Variants in UBN1 observed in about 807,000 individuals in gnomAD.
UBN1 encodes the protein ubinuclein 1, also known as ubinuclein-1.
In UBN1, 17 loss-of-function variants were observed where a neutral mutation model predicts 108.5. The ratio of observed to expected loss-of-function variants is 0.16; its 90% CI spans 0.11 to 0.24. The LOEUF (loss-of-function observed/expected upper bound fraction) is 0.24, where lower values mean the gene tolerates loss of function less well. Among genes scored for constraint, UBN1 ranks in the 10% least tolerant of loss-of-function variants. The probability of loss-of-function intolerance (pLI) is 1.00; values close to 1 mark genes in which losing one functional copy is unlikely to be tolerated. For synonymous variants in UBN1, 726 were observed against 564.2 expected, an observed-to-expected ratio of 1.29 and a Z score of -4.07; for missense variants, 1,595 against 1,394.4, an observed-to-expected ratio of 1.14 and a Z score of -2.29.
intron 15 of UBN1, among the ~76,000 whole-genome samples, chr16:4,876,487 GA>G (rs1355631706): frequency 6.6e-6 from 1 of 150,952 alleles, no homozygotes; most frequent in Non-Finnish European, 1.5e-5. Flanking sequence ...AAATATCCAT[GA>G]ACATTTATGG....
At chr16:4,848,248 C>G (rs918367283) in intron 1 of UBN1, 38 bp downstream of exon 1, 2 of 152,268 alleles carry the variant, frequency 1.3e-5, no homozygotes, top group Non-Finnish European at 2.9e-5. Flanking sequence ...TCTCGTTAGC[C>G]TTGCCCTAGT....
chr16:4,853,280 A>G (rs1294411623), intron 2 of UBN1, 114 bp downstream of exon 2: 13 of 1,406,906 alleles, frequency 9.2e-6, no homozygotes, highest in African/African-American at 1.4e-5. Flanking sequence ...GGCTGCCCCA[A>G]GATCCTGTCA....
Position 4,871,133 on chromosome 16 carries a change from C to G in UBN1, c.1560-22C>G, listed in dbSNP as rs751143450. On this transcript the variant is annotated intron_variant, in intron 11 of 17. Coordinates refer to ENST00000262376, the MANE Select transcript of UBN1 (RefSeq NM_001079514.3). ...CAGCATCTGAAGTAGTTTGGAGTTTCTGATTTCTGCCTCCTTCTCAGGGAG... is the reference window on the plus strand; with the variant it reads ...CAGCATCTGAAGTAGTTTGGAGTTTGTGATTTCTGCCTCCTTCTCAGGGAG... 3 of 1,613,200 alleles carry G rather than the reference C, an allele frequency of 1.9e-6. No individual in the cohort carries two copies. In the African/African-American group the frequency reaches 4.0e-5, roughly 22 times the overall value.
intron 6 of UBN1, 33 bp from the exon 7 acceptor site, chr16:4,860,631 A>G: frequency 6.3e-7 from 1 of 1,585,270 alleles, no homozygotes; most frequent in Non-Finnish European, 8.5e-7. Context: ...GGTGTCCTAT[A>G]GTCTGAGTGA....
At chr16:4,853,822 A>G (rs1431561315) in intron 2 of UBN1, among the ~76,000 whole-genome samples, 2 of 152,250 alleles carry the variant, frequency 1.3e-5, no homozygotes, top group South Asian at 2.1e-4. Context: ...TTGGCTTCCC[A>G]AAGTGCTGGG....
At chr16:4,851,272 C>T (rs548152615) in intron 1 of UBN1, among the ~76,000 whole-genome samples, 28 of 152,264 alleles carry the variant, frequency 1.8e-4, no homozygotes, top group Non-Finnish European at 3.5e-4. Flanking sequence ...CAAAACCAGT[C>T]TGGGCAACAT....
At chr16:4,868,738 C>G in intron 7 of UBN1, 95 bp from the exon 8 acceptor site, 1 of 1,215,700 alleles carries the variant, frequency 8.2e-7, no homozygotes, top group Non-Finnish European at 1.2e-6. Context: ...TTGACAGGTG[C>G]TCTTTATGGA....
intron 8 of UBN1, among the ~76,000 whole-genome samples, chr16:4,869,835 G>A (rs987889942): frequency 8.5e-5 from 13 of 152,058 alleles, no homozygotes; most frequent in South Asian, 2.1e-4. Context: ...TGGGGACTGG[G>A]GGAAAAAAAA....
Position 4,871,308 on chromosome 16 carries a change from G to A in UBN1, c.1706+7G>A. 6.2e-7 allele frequency: 1 copy of A among 1,613,138 alleles called. No homozygotes were observed. Among genetic ancestry groups the A allele is most frequent in the African/African-American group, 1.3e-5 (1 of 75,026 alleles). On this transcript the variant is annotated splice_region_variant and intron_variant, in intron 12 of 17. Transcript: ENST00000262376. ...AAGGCTGGATGCAGGCCAGGTGAGG[G>A]CCGTGTGCTGAGATGGGCATCTGTG...
chr16:4,869,020 A>G (rs1393445817), intron 8 of UBN1, 117 bp downstream of exon 8: 1 of 916,744 alleles, frequency 1.1e-6, no homozygotes, highest in Non-Finnish European at 1.6e-6. Flanking sequence ...ACCACCAAGG[A>G]GATAAAAGAA....
intron 14 of UBN1, among the ~76,000 whole-genome samples, chr16:4,873,588 T>C (rs1029853911): frequency 1.6e-4 from 24 of 152,214 alleles, no homozygotes; most frequent in Non-Finnish European, 2.8e-4. Context: ...CAGTTCTTAG[T>C]GTGGTGCCCT....
intron 6 of UBN1, 126 bp downstream of exon 6, chr16:4,860,094 G>A (rs962715657): frequency 6.6e-6 from 8 of 1,203,244 alleles, no homozygotes; most frequent in African/African-American, 4.6e-5. Flanking sequence ...CTGTCCTCCC[G>A]CACGCCTCCC....
In UBN1 at chr16:4,874,593, C is replaced by G; in HGVS notation, c.2183C>G (p.Pro728Arg). 6.2e-7 allele frequency: 1 copy of G among 1,614,232 alleles called. No homozygotes were observed. The highest frequency in any genetic ancestry group is 8.5e-7 in the Non-Finnish European group (1 of 1,180,044). The change falls in exon 15 of 18, where the codon CCA becomes CGA. Residue 728 changes from proline to arginine, a missense_variant. Pro to Arg is a moderately radical substitution (Grantham distance 103). Around this residue, in one of 3 missense-constraint regions of UBN1, gnomAD observed 1,398 missense variants for 1,194.7 expected, o/e 1.17. Coordinates refer to ENST00000262376, the MANE Select transcript of UBN1 (RefSeq NM_001079514.3). Reference protein sequence around the residue: ...FAKPSPSAPPPASSLQSPLNF... With the variant: ...FAKPSPSAPPRASSLQSPLNF... The stretch of plus-strand genomic sequence containing the variant: ...AAGCCTAGTCCTTCTGCTCCACCAC[C>G]AGCTAGCTCTCTGCAGTCACCCCTC...
In UBN1 at chr16:4,857,971, T is replaced by C. The variant is rs367952765; in HGVS notation, c.250-19T>C. 13 of 1,573,508 alleles carry C rather than the reference T, an allele frequency of 8.3e-6. No individual in the cohort carries two copies. The African/African-American group carries it at 1.6e-4, about 20-fold the overall frequency. ...GGAATATTTTCTGACTTATTTTTTG[T>C]GGAACGATCTCTTTACAGAAGAAAG... On this transcript the variant is annotated intron_variant, in intron 2 of 17. Coordinates refer to ENST00000262376, the MANE Select transcript of UBN1 (RefSeq NM_001079514.3).
chr16:4,858,398 A>G (rs148634403), intron 3 of UBN1, among the ~76,000 whole-genome samples, 170 bp from the exon 4 acceptor site: 55 of 152,306 alleles, frequency 3.6e-4, no homozygotes, highest in Middle Eastern at 3.4e-3. Flanking sequence ...AATATGTTCT[A>G]TGTTAAAAGG....
At chr16:4,869,856 C>T (rs781430460) in intron 8 of UBN1, among the ~76,000 whole-genome samples, 128 of 152,234 alleles carry the variant, frequency 8.4e-4, no homozygotes, top group Non-Finnish European at 1.4e-3. Context: ...GAAATGCTGC[C>T]GGGAAGTGTC....
At position 4,869,409 on chromosome 16, in the gene UBN1, A is replaced by T. The variant is rs1022346519; in HGVS notation, c.1181+506A>T. Reference sequence around the variant, plus strand: ...AGCCTCTGAGACACCACGCTGTGTGAATCGGGTTAAAAAACAGATGAGCAA... The same window carrying T: ...AGCCTCTGAGACACCACGCTGTGTGTATCGGGTTAAAAAACAGATGAGCAA... On this transcript the variant is annotated intron_variant, in intron 8 of 17. Coordinates refer to ENST00000262376, the MANE Select transcript of UBN1 (RefSeq NM_001079514.3). Among the ~76,000 whole-genome samples, 17 of 152,246 alleles carry T rather than the reference A, an allele frequency of 1.1e-4. 1 individual carries two copies. The highest frequency in any genetic ancestry group is 4.1e-4 in the African/African-American group (17 of 41,464).
rs372442187 is a variant in UBN1, at chr16:4,877,380, C to G, written c.3266-5C>G. 1 of 1,608,922 alleles carries G rather than the reference C, an allele frequency of 6.2e-7. No homozygotes were observed. The highest frequency in any genetic ancestry group is 1.3e-5 in the African/African-American group (1 of 74,746). ...GTTCTTTTCTCCCCTCCTGTTTTCT[C>G]TCAGGTCTTCTGGCTGGCTTGCACT... On this transcript the variant is annotated splice_polypyrimidine_tract_variant and splice_region_variant and intron_variant, in intron 16 of 17. Coordinates refer to ENST00000262376, the MANE Select transcript of UBN1 (RefSeq NM_001079514.3). This position sits in a 1 kb window ranked among gnomAD's most constrained non-coding sequence, Gnocchi z 4.3.
rs1421566305 is a variant in UBN1 at position 4,877,407 on chromosome 16, C to T, written c.3288C>T (p.Ser1096=). ...LGHSLLAGLH[S]SPPHAAPLPH... The stretch of plus-strand genomic sequence containing the variant: ...CAGGTCTTCTGGCTGGCTTGCACTC[C>T]AGCCCGCCCCATGCAGCGCCTCTCC... Residue 1096 remains serine (S), a synonymous_variant, in exon 17 of 18, where the codon TCC becomes TCT. Transcript: ENST00000262376. This position sits in a 1 kb window ranked among gnomAD's most constrained non-coding sequence, Gnocchi z 4.3. 2 of 1,612,092 alleles carry T rather than the reference C, an allele frequency of 1.2e-6. No individual in the cohort carries two copies. The highest frequency in any genetic ancestry group is 1.7e-6 in the Non-Finnish European group (2 of 1,179,224).
Sources: gnomAD v4.1 joint callset for allele counts (sites outside exome capture counted in the v4.1 genomes callset) on GRCh38, gnomAD v4.1.1 for gene constraint, gnomAD v4.1.1 regional missense constraint, Gnocchi (gnomAD v3.1) non-coding constraint, MANE v1.5 for transcripts, NCBI Gene and HGNC (gene_info 2026-07-23, HGNC 2026-07-21) for gene names.